Variants in CDH5 observed in about 807,000 individuals in gnomAD.
CDH5 encodes the protein cadherin-5.
CDH5 carries 28 observed loss-of-function variants against 62.0 expected under a neutral mutation model. The ratio of observed to expected loss-of-function variants is 0.45; its 90% confidence interval spans 0.33 to 0.62. The LOEUF (loss-of-function observed/expected upper bound fraction) is 0.62. Ranked by LOEUF, CDH5 falls within the 20% of genes least tolerant of loss-of-function variation. The pLI, the probability that CDH5 is intolerant of heterozygous loss-of-function variation, is 0.02. For missense variants in CDH5, 940 were observed against 1,065.1 expected (o/e 0.88, Z 1.63); for synonymous variants, 464 against 445.8 (o/e 1.04, Z -0.52).
rs147053264 is a variant in CDH5, at chr16:66,376,110, TAATAAATAAATAAATA to T, written c.-19-3194_-19-3179del. On this transcript the variant is annotated intron_variant, in intron 1 of 11. Coordinates refer to ENST00000341529, the MANE Select transcript of CDH5 (RefSeq NM_001795.5). ...CAAAACTCTGTCTCAAAGGAAAAAATAATAAATAAATAAATAAATAAATAAATAAAACACAATTACT... is the reference window on the plus strand; with the variant it reads ...CAAAACTCTGTCTCAAAGGAAAAAATAATAAATAAATAAAACACAATTACT... 1.2e-3 allele frequency among the ~76,000 whole-genome samples: 178 copies of T among 150,788 alleles called. 2 individuals carry two copies. Among genetic ancestry groups the T allele is most frequent in the African/African-American group, 4.2e-3 (173 of 41,036 alleles).
chr16:66,398,559 A>G lies in CDH5; in HGVS notation c.1589A>G (p.His530Arg). 1 of 1,479,902 alleles carries G rather than the reference A, an allele frequency of 6.8e-7. No homozygotes were observed. The highest frequency in any genetic ancestry group is 9.5e-7 in the Non-Finnish European group (1 of 1,057,608). The allele number at this position is 1,479,902 out of a possible 1,614,324, so 91.7% of individuals were successfully genotyped here. Residue 530 changes from histidine (H) to arginine (R), a missense_variant and splice_region_variant, in exon 10 of 12, where the codon CAC (histidine) becomes CGC (arginine). Physicochemically the swap from His to Arg is conservative, Grantham distance 29. Coordinates refer to ENST00000341529, the MANE Select transcript of CDH5 (RefSeq NM_001795.5). ...TENNFTLTDN[H>R]DNTANITVKY... ...AACAACTTTACCCTCACGGATAATC[A>G]CGGTAGGCATCAAAGTAATCAGTTC...
intron 2 of CDH5, among the ~76,000 whole-genome samples, chr16:66,382,639 C>T (rs1008564995): frequency 2.0e-5 from 3 of 152,176 alleles, no homozygotes; most frequent in Non-Finnish European, 4.4e-5. Flanking sequence ...TTTCTAGCAG[C>T]AGGAAGAACG....
intron 1 of CDH5, among the ~76,000 whole-genome samples, chr16:66,377,919 G>C (rs183223587): frequency 1.3e-5 from 2 of 152,318 alleles, no homozygotes; most frequent in African/African-American, 4.8e-5. Flanking sequence ...GCCTTCAAGA[G>C]TGTGCAACCT....
At chr16:66,379,201 T>C in intron 1 of CDH5, 118 bp from the exon 2 acceptor site, 1 of 740,136 alleles carries the variant, frequency 1.4e-6, no homozygotes, top group Non-Finnish European at 2.3e-6. Context: ...TACCCGCAGA[T>C]TGTGTTTGCC....
At position 66,380,378 on chromosome 16, in the gene CDH5, G is replaced by A. The variant is rs574081038; in HGVS notation, c.210+831G>A. Reference sequence around the variant, plus strand: ...TGGTGGTGATGATAAAGGGGTAGGCGGTGGTCTGACGATGGTGATGATGGT... The same window carrying A: ...TGGTGGTGATGATAAAGGGGTAGGCAGTGGTCTGACGATGGTGATGATGGT... On this transcript the variant is annotated intron_variant, in intron 2 of 11. Coordinates refer to ENST00000341529, the MANE Select transcript of CDH5 (RefSeq NM_001795.5). Among the ~76,000 whole-genome samples the A allele has an allele frequency of 1.3e-3, 188 of 150,174 alleles. 2 individuals are homozygous for A. The highest frequency in any genetic ancestry group is 1.8e-3 in the Non-Finnish European group (119 of 67,876).
chr16:66,390,805 T>A (rs1027703891), intron 6 of CDH5, among the ~76,000 whole-genome samples: 1 of 152,166 alleles, frequency 6.6e-6, no homozygotes, highest in Non-Finnish European at 1.5e-5. Flanking sequence ...ATTGTTTATC[T>A]GGGAGGTGAT....
chr16:66,390,718 T>C (rs1961069578), intron 6 of CDH5, 128 bp downstream of exon 6: 1 of 825,252 alleles, frequency 1.2e-6, no homozygotes, highest in African/African-American at 1.7e-5. Flanking sequence ...GGTGGTCATG[T>C]GTTCATGGAG....
chr16:66,398,844 C>A (rs1243442034), intron 10 of CDH5, among the ~76,000 whole-genome samples: 1 of 152,236 alleles, frequency 6.6e-6, no homozygotes, highest in African/African-American at 2.4e-5. Flanking sequence ...CAGGCTCCCA[C>A]TGGGATTTTC....
At chr16:66,392,527 C>A in intron 7 of CDH5, 144 bp downstream of exon 7, 1 of 1,178,964 alleles carries the variant, frequency 8.5e-7, no homozygotes, top group Admixed American at 2.3e-5. Context: ...AGACCAGAAG[C>A]CCAAGCTCTT....
intron 4 of CDH5, 130 bp downstream of exon 4, chr16:66,388,570 T>C: frequency 1.5e-6 from 1 of 674,988 alleles, no homozygotes; most frequent in East Asian, 2.6e-5. Context: ...CACTGTACCA[T>C]GGAAGTAGTC....
At chr16:66,396,024 C>T (rs756014547) in intron 7 of CDH5, 35 bp from the exon 8 acceptor site, 6 of 1,607,664 alleles carry the variant, frequency 3.7e-6, no homozygotes, top group Middle Eastern at 2.1e-4. Flanking sequence ...CAGCAAAGAA[C>T]AATGGAAAGC....
In CDH5 at chr16:66,398,499, G is replaced by A. The variant is rs781712628; in HGVS notation, c.1529G>A (p.Arg510Gln). ...ISAIDKDITP[R>Q]NVKFKFILNT... ...GCAATAGACAAGGACATAACACCAC[G>A]AAACGTGAAGTTCAAATTCATCTTG... The change falls in exon 10 of 12, where the codon CGA (arginine) becomes CAA (glutamine). Residue 510 changes from arginine (R) to glutamine (Q), a missense_variant. By Grantham distance (43) the Arg-to-Gln change is conservative. Coordinates refer to ENST00000341529, the MANE Select transcript of CDH5 (RefSeq NM_001795.5). The A allele has an allele frequency of 6.8e-6, 11 of 1,610,296 alleles. No homozygotes were observed. The highest frequency in any genetic ancestry group is 4.5e-5 in the East Asian group (2 of 44,858).
At chr16:66,390,312 T>C in intron 5 of CDH5, 91 bp from the exon 6 acceptor site, 1 of 993,440 alleles carries the variant, frequency 1.0e-6, no homozygotes, top group Non-Finnish European at 1.5e-6. Context: ...GCCCATTTCT[T>C]TTATCAAAAT....
At chr16:66,386,708 C>A (rs927579814) in intron 2 of CDH5, 101 bp from the exon 3 acceptor site, 1 of 1,057,652 alleles carries the variant, frequency 9.5e-7, no homozygotes, top group Non-Finnish European at 1.4e-6. Flanking sequence ...ACACCACATA[C>A]ACACATGCAC....
intron 10 of CDH5, among the ~76,000 whole-genome samples, chr16:66,399,328 C>CA (rs1468222297): frequency 2.0e-5 from 3 of 152,088 alleles, no homozygotes; most frequent in Non-Finnish European, 2.9e-5. Flanking sequence ...GAAATTTCCT[C>CA]AAAAAAATAG....
intron 1 of CDH5, among the ~76,000 whole-genome samples, chr16:66,377,891 T>C (rs1960813660): frequency 6.6e-6 from 1 of 152,172 alleles, no homozygotes; most frequent in South Asian, 2.1e-4. Context: ...GTGATCCACA[T>C]CCCTACCCCA....
intron 6 of CDH5, 40 bp from the exon 7 acceptor site, chr16:66,392,096 G>A: frequency 6.2e-7 from 1 of 1,612,002 alleles, no homozygotes; most frequent in Non-Finnish European, 8.5e-7. Context: ...ACACATGCTT[G>A]GCCCAGAGCA....
At chr16:66,386,493 T>C (rs1180883028) in intron 2 of CDH5, among the ~76,000 whole-genome samples, 1 of 152,146 alleles carries the variant, frequency 6.6e-6, no homozygotes, top group Non-Finnish European at 1.5e-5. Context: ...TATGTACCAA[T>C]TGTTTAGCTC....
chr16:66,388,792 C>A (rs1039350939), intron 4 of CDH5, among the ~76,000 whole-genome samples: 1 of 152,182 alleles, frequency 6.6e-6, no homozygotes, highest in African/African-American at 2.4e-5. Context: ...CCTCTAGAGA[C>A]CTTGGACAAA....
Sources: gnomAD v4.1 joint callset for allele counts (sites outside exome capture counted in the v4.1 genomes callset) on GRCh38, gnomAD v4.1.1 for gene constraint, MANE v1.5 for transcripts, NCBI Gene and HGNC (gene_info 2026-07-23, HGNC 2026-07-21) for gene names.